Variants in COASY observed in about 807,000 individuals in gnomAD.
The protein encoded by COASY is bifunctional coenzyme A synthase.
In COASY, 31 loss-of-function variants were observed where a neutral mutation model predicts 49.4. The observed-to-expected ratio is 0.63, with a 90% CI of 0.47 to 0.85. The LOEUF (loss-of-function observed/expected upper bound fraction) is 0.85, where lower values mean the gene tolerates loss of function less well. Ranked by LOEUF, COASY falls within the 40% of genes least tolerant of loss-of-function variation. The pLI is 0.00. For missense variants in COASY, 730 were observed against 734.1 expected, an observed-to-expected ratio of 0.99 and a Z score of 0.06; for synonymous variants, 285 against 310.9, an observed-to-expected ratio of 0.92 and a Z score of 0.88.
In COASY at chr17:42,565,541, G is replaced by T. The variant is rs776940502; in HGVS notation, c.1458G>T (p.Val486=). ...GCTGGCAGAACCTGGTCCATGAGGT[G>T]TGGACTGCTGTCATCCCAGAGACTG... is the stretch of plus-strand genomic sequence containing the variant. The part of the protein sequence containing the change: ...EAGWQNLVHE[V]WTAVIPETEA... The change falls in exon 7 of 9, where the codon GTG becomes GTT. Residue 486 remains valine, a synonymous_variant. Transcript: ENST00000393818. 1 of 1,614,168 alleles carries T rather than the reference G, an allele frequency of 6.2e-7. No homozygotes were observed. Among genetic ancestry groups the T allele is most frequent in the South Asian group, 1.1e-5 (1 of 91,084 alleles).
At position 42,565,245 on chromosome 17, in the gene COASY, A is replaced by G; in HGVS notation, c.1321A>G (p.Thr441Ala). The G allele has an allele frequency of 6.2e-7, 1 of 1,614,058 alleles. No individual in the cohort carries two copies. Among genetic ancestry groups the G allele is most frequent in the South Asian group, 1.1e-5 (1 of 91,080 alleles). Residue 441 changes from threonine (T) to alanine (A), a missense_variant, in exon 6 of 9, where the codon ACG becomes GCG. Coordinates refer to ENST00000393818, the MANE Select transcript of COASY (RefSeq NM_025233.7). ...TCCCCAGAAGCAGCTGAAGATACTC[A>G]CGGACATTATGTGGCCAATTATCGC... ...FGNKKQLKILTDIMWPIIAKL... is the reference protein window; with the variant it reads ...FGNKKQLKILADIMWPIIAKL...
rs1597713048 is a variant in COASY at position 42,563,324 on chromosome 17, T to G, written c.700+2T>G. 6.3e-7 allele frequency: 1 copy of G among 1,577,812 alleles called. No individual in the cohort carries two copies. Among genetic ancestry groups the G allele is most frequent in the Non-Finnish European group, 8.6e-7 (1 of 1,162,368 alleles). The stretch of plus-strand genomic sequence containing the variant: ...TAGCAGACAAAGATCTGTTGAAGAG[T>G]GAGTAAGAGGGACCCTGGACTAGGG... On this transcript the variant is annotated splice_donor_variant, in intron 1 of 8. Coordinates refer to ENST00000393818, the MANE Select transcript of COASY (RefSeq NM_025233.7). LOFTEE classifies it high-confidence loss of function.
rs1567904066 is a variant in COASY, at chr17:42,563,263, C to T, written c.641C>T (p.Ala214Val). ...HNAHKVLLSV[A>V]CILAQEQLVV... ...GCCCACAAGGTGTTGCTCAGTGTCGCGTGCATCCTGGCCCAGGAGCAGCTT... is the reference window on the plus strand; with the variant it reads ...GCCCACAAGGTGTTGCTCAGTGTCGTGTGCATCCTGGCCCAGGAGCAGCTT... Residue 214 changes from alanine (A) to valine (V), a missense_variant, in exon 1 of 9, where the codon GCG becomes GTG. Ala to Val is a moderately conservative substitution (Grantham distance 64). Transcript: ENST00000393818. 4 of 1,610,184 alleles carry T rather than the reference C, an allele frequency of 2.5e-6. No homozygotes were observed. Among genetic ancestry groups the T allele is most frequent in the Admixed American group, 1.7e-5 (1 of 59,994 alleles).
intron 5 of COASY, 58 bp from the exon 6 acceptor site, chr17:42,565,169 C>T (rs1842623226): frequency 6.3e-7 from 1 of 1,599,500 alleles, no homozygotes; most frequent in South Asian, 1.1e-5. Flanking sequence ...CACCACCTTG[C>T]TCGGGCTGGC....
At position 42,562,415 on chromosome 17, in the gene COASY, A is replaced by T; in HGVS notation, c.-208A>T. On this transcript the variant is annotated 5_prime_UTR_variant, in exon 1 of 9. Coordinates refer to ENST00000393818, the MANE Select transcript of COASY (RefSeq NM_025233.7). Reference sequence around the variant, plus strand: ...AAGTCACCGCCCCGTCTGAGAAATGAGGACACCAAGGCTTAGAGCACAGCC... The same window carrying T: ...AAGTCACCGCCCCGTCTGAGAAATGTGGACACCAAGGCTTAGAGCACAGCC... The T allele has an allele frequency of 1.2e-6, 2 of 1,613,828 alleles. No homozygotes were observed. The highest frequency in any genetic ancestry group is 2.2e-5 in the South Asian group (2 of 91,078).
chr17:42,562,332 C>G lies in COASY; in HGVS notation c.-291C>G, dbSNP rs541507808. 143 of 1,358,548 alleles carry G rather than the reference C, an allele frequency of 1.1e-4. 2 individuals carry two copies. In the South Asian group the frequency reaches 1.7e-3, roughly 16 times the overall value. 84.2% of individuals were successfully genotyped at this position (1,358,548 alleles called of 1,614,324 possible). ...GGCCCAGGATTTTTGGATCCCCAGC[C>G]CTGTGACAAGGGTTCCTGTCCAGTT... On this transcript the variant is annotated 5_prime_UTR_variant, in exon 1 of 9. Coordinates refer to ENST00000393818, the MANE Select transcript of COASY (RefSeq NM_025233.7).
Position 42,565,639 on chromosome 17 carries a change from A to G in COASY, c.1486-20A>G, listed in dbSNP as rs749348651. 4.3e-6 allele frequency: 7 copies of G among 1,613,944 alleles called. No homozygotes were observed. Among genetic ancestry groups the G allele is most frequent in the East Asian group, 4.5e-5 (2 of 44,872 alleles). On this transcript the variant is annotated intron_variant, in intron 7 of 8. Transcript: ENST00000393818. ...CTGTGAGCTGGAATTCTTCCTGACA[A>G]ATGTCTCGTCTGTGCTCAGGCTGTA...
Position 42,564,540 on chromosome 17 carries a change from G to A in COASY, c.1010G>A (p.Arg337His), listed in dbSNP as rs2092992735. 8.7e-6 allele frequency: 14 copies of A among 1,613,686 alleles called. No homozygotes were observed. Among genetic ancestry groups the A allele is most frequent in the East Asian group, 2.2e-5 (1 of 44,880 alleles). Residue 337 changes from arginine (R) to histidine (H), a missense_variant, in exon 3 of 9, where the codon CGC (arginine) becomes CAC (histidine). Arg to His is a conservative substitution (Grantham distance 29). Transcript: ENST00000393818. ...GACAAAGTCAGCTCCTCCAGCTTCC[G>A]CCAGCGAATGTTGGGGAACCTGCTT... The part of the protein sequence containing the change: ...EEDKVSSSSF[R>H]QRMLGNLLRP...
chr17:42,563,394 T>A, intron 1 of COASY, 72 bp downstream of exon 1: 1 of 1,365,906 alleles, frequency 7.3e-7, no homozygotes, highest in Non-Finnish European at 9.8e-7. Context: ...TATGCCGAGA[T>A]CAAGGAAGGG....
rs1386724520 is a variant in COASY, at chr17:42,565,415, G to A, written c.1388-56G>A. 6.2e-6 allele frequency: 10 copies of A among 1,609,482 alleles called. No individual in the cohort carries two copies. In the East Asian group the frequency reaches 2.2e-4, roughly 36 times the overall value. ...GGGACTGTCTGTTCACCCTGGGACT[G>A]TGTTCTGCCTGGGAGAACGTCGGCA... On this transcript the variant is annotated intron_variant, in intron 6 of 8. Coordinates refer to ENST00000393818, the MANE Select transcript of COASY (RefSeq NM_025233.7).
chr17:42,565,553 C>T lies in COASY; in HGVS notation c.1470C>T (p.Val490=). ...QNLVHEVWTA[V]IPETEAVRRI... ...TGGTCCATGAGGTGTGGACTGCTGT[C>T]ATCCCAGAGACTGAGGTATCTCGCC... is the stretch of plus-strand genomic sequence containing the variant. Residue 490 remains valine (V), a synonymous_variant, in exon 7 of 9, where the codon GTC becomes GTT. Coordinates refer to ENST00000393818, the MANE Select transcript of COASY (RefSeq NM_025233.7). 6.2e-7 allele frequency: 1 copy of T among 1,614,196 alleles called. No individual in the cohort carries two copies. The highest frequency in any genetic ancestry group is 8.5e-7 in the Non-Finnish European group (1 of 1,180,016).
Position 42,565,566 on chromosome 17 carries a change from G to A in COASY, c.1483G>A (p.Glu495Lys). The change falls in exon 7 of 9, where the codon GAG (glutamate) becomes AAG (lysine). Residue 495 changes from glutamate (E) to lysine (K), a missense_variant and splice_region_variant. By Grantham distance (56) the Glu-to-Lys change is moderately conservative. Transcript: ENST00000393818. The part of the protein sequence containing the change: ...EVWTAVIPET[E>K]AVRRIVERDG... ...GTGGACTGCTGTCATCCCAGAGACTGAGGTATCTCGCCCCACCCCCCACAC... is the reference window on the plus strand; with the variant it reads ...GTGGACTGCTGTCATCCCAGAGACTAAGGTATCTCGCCCCACCCCCCACAC... 7 of 1,614,174 alleles carry A rather than the reference G, an allele frequency of 4.3e-6. No homozygotes were observed. Among genetic ancestry groups the A allele is most frequent in the Non-Finnish European group, 5.9e-6 (7 of 1,180,004 alleles).
Position 42,563,293 on chromosome 17 carries a change from T to G in COASY, c.671T>G (p.Val224Gly), listed in dbSNP as rs770990218. The change falls in exon 1 of 9, where the codon GTG (valine) becomes GGG (glycine). Residue 224 changes from valine to glycine, a missense_variant. Physicochemically the swap from Val to Gly is moderately radical, Grantham distance 109. Coordinates refer to ENST00000393818, the MANE Select transcript of COASY (RefSeq NM_025233.7). ...ATCCTGGCCCAGGAGCAGCTTGTGG[T>G]GGGAGTAGCAGACAAAGATCTGTTG... is the stretch of plus-strand genomic sequence containing the variant. Reference protein sequence around the residue: ...ACILAQEQLVVGVADKDLLKS... With the variant: ...ACILAQEQLVGGVADKDLLKS... The G allele has an allele frequency of 1.9e-6, 3 of 1,601,130 alleles. No individual in the cohort carries two copies. The highest frequency in any genetic ancestry group is 2.6e-6 in the Non-Finnish European group (3 of 1,176,054).
chr17:42,562,962 G>A lies in COASY; in HGVS notation c.340G>A (p.Val114Met), dbSNP rs768990950. Reference protein sequence around the residue: ...VQNLAHPPEVVLTDFQTLDGS... With the variant: ...VQNLAHPPEVMLTDFQTLDGS... ...GAATCTCGCCCACCCGCCAGAAGTC[G>A]TGTTGACAGATTTCCAGACCCTGGA... Residue 114 changes from valine to methionine, a missense_variant, in exon 1 of 9, where the codon GTG becomes ATG. Val to Met is a conservative substitution (Grantham distance 21). Transcript: ENST00000393818. 12 of 1,613,832 alleles carry A rather than the reference G, an allele frequency of 7.4e-6. No homozygotes were observed. Among genetic ancestry groups the A allele is most frequent in the African/African-American group, 1.3e-5 (1 of 74,912 alleles).
In COASY at chr17:42,562,483, T is replaced by C. The variant is rs561601439; in HGVS notation, c.-140T>C. 1.9e-6 allele frequency: 3 copies of C among 1,613,698 alleles called. No individual in the cohort carries two copies. Among genetic ancestry groups the C allele is most frequent in the East Asian group, 2.2e-5 (1 of 44,878 alleles). ...AGGCCCCGTCCCCTCCCCCGGCTCC[T>C]GTCGGTCAGCACTGAAACCCCGTCC... On this transcript the variant is annotated 5_prime_UTR_variant, in exon 1 of 9. Coordinates refer to ENST00000393818, the MANE Select transcript of COASY (RefSeq NM_025233.7).
intron 5 of COASY, 44 bp downstream of exon 5, chr17:42,565,091 CA>C (rs745340641): frequency 6.2e-7 from 1 of 1,603,250 alleles, no homozygotes; most frequent in African/African-American, 1.3e-5. Context: ...CTACTAGACC[CA>C]GGGGTCAGGG....
Sources: gnomAD v4.1 joint callset for allele counts on GRCh38, gnomAD v4.1.1 for gene constraint, MANE v1.5 for transcripts, NCBI Gene and HGNC (gene_info 2026-07-23, HGNC 2026-07-21) for gene names.